Variants in ARFGEF3 observed in about 807,000 individuals in gnomAD.
ARFGEF3 encodes ARFGEF family member 3.
In ARFGEF3, 96 loss-of-function variants were observed where a neutral mutation model predicts 221.7. That is an observed-to-expected ratio of 0.43 (90% CI 0.37 to 0.51). The LOEUF is 0.51. Ranked by LOEUF, ARFGEF3 falls within the 20% of genes least tolerant of loss-of-function variation. ARFGEF3 has a pLI of 0.00. For missense variants in ARFGEF3, 2,410 were observed against 2,789.9 expected, an observed-to-expected ratio of 0.86 and a Z score of 3.07; for synonymous variants, 1,145 against 1,126.8, an observed-to-expected ratio of 1.02 and a Z score of -0.32.
chr6:138,248,189 T>C (rs79264602), intron 8 of ARFGEF3, among the ~76,000 whole-genome samples: 2,250 of 152,290 alleles, frequency 0.015, 60 homozygotes, highest in African/African-American at 0.051. Flanking sequence ...TTTGTGGTCA[T>C]ATAGAGCCCT....
chr6:138,323,848 C>A, intron 30 of ARFGEF3, 75 bp downstream of exon 30: 1 of 1,537,898 alleles, frequency 6.5e-7, no homozygotes. Context: ...CCATGTTGGG[C>A]ACATGGGTTC....
intron 2 of ARFGEF3, among the ~76,000 whole-genome samples, chr6:138,185,535 G>A (rs535293733): frequency 1.3e-5 from 2 of 152,276 alleles, no homozygotes; most frequent in East Asian, 3.9e-4. Flanking sequence ...TTTTCTTCAT[G>A]TCTGGCTGTC....
chr6:138,218,176 C>G, intron 4 of ARFGEF3: 2 of 1,613,906 alleles, frequency 1.2e-6, no homozygotes, highest in Non-Finnish European at 1.7e-6. Context: ...TGTGACTGTT[C>G]TATGGAATAA....
chr6:138,182,726 A>G (rs1236780834), intron 2 of ARFGEF3, among the ~76,000 whole-genome samples: 1 of 152,192 alleles, frequency 6.6e-6, no homozygotes, highest in Non-Finnish European at 1.5e-5. Context: ...TTACCTCTCC[A>G]CCTTCTGCTA....
chr6:138,319,206 T>A (rs1008358271), intron 27 of ARFGEF3, among the ~76,000 whole-genome samples: 4 of 149,970 alleles, frequency 2.7e-5, no homozygotes, highest in African/African-American at 9.9e-5. Context: ...TCCTCACGCC[T>A]CAGCCTGCAG....
chr6:138,239,564 G>A (rs781033277), intron 6 of ARFGEF3, among the ~76,000 whole-genome samples: 21 of 150,794 alleles, frequency 1.4e-4, no homozygotes, highest in Non-Finnish European at 2.1e-4. Context: ...CAGGAGAATC[G>A]CTTGAACTCA....
At chr6:138,174,674 A>G (rs919183947) in intron 2 of ARFGEF3, among the ~76,000 whole-genome samples, 4 of 152,028 alleles carry the variant, frequency 2.6e-5, no homozygotes. Context: ...CTGTTACATA[A>G]TCACCTCCAG....
intron 12 of ARFGEF3, among the ~76,000 whole-genome samples, chr6:138,275,486 C>G (rs967004323): frequency 2.0e-5 from 3 of 152,108 alleles, no homozygotes; most frequent in African/African-American, 7.2e-5. Flanking sequence ...CATGGTGGCT[C>G]ACACCTGTAA....
rs1398791102 is a variant in ARFGEF3 at position 138,278,497 on chromosome 6, C to T, written c.2175C>T (p.Phe725=). 1.2e-6 allele frequency: 2 copies of T among 1,613,864 alleles called. No homozygotes were observed. Among genetic ancestry groups the T allele is most frequent in the Non-Finnish European group, 1.7e-6 (2 of 1,179,888 alleles). Residue 725 remains phenylalanine, a synonymous_variant, in exon 13 of 34, where the codon TTC becomes TTT. Coordinates refer to ENST00000251691, the MANE Select transcript of ARFGEF3 (RefSeq NM_020340.5). ...PGFDGNSSLS[F]QMLMNADSLY... Reference sequence around the variant, plus strand: ...TTGACGGGAATAGCAGCCTCAGCTTCCAGATGCTGATGAACGCAGACAGCC... The same window carrying T: ...TTGACGGGAATAGCAGCCTCAGCTTTCAGATGCTGATGAACGCAGACAGCC...
At chr6:138,273,568 T>C (rs1434311792) in intron 12 of ARFGEF3, among the ~76,000 whole-genome samples, 1 of 152,172 alleles carries the variant, frequency 6.6e-6, no homozygotes, top group Non-Finnish European at 1.5e-5. Context: ...GAGTATCTAC[T>C]AGAGAGGTAC....
intron 31 of ARFGEF3, among the ~76,000 whole-genome samples, chr6:138,327,371 C>G (rs932328190): frequency 3.9e-5 from 6 of 152,146 alleles, no homozygotes; most frequent in African/African-American, 1.4e-4. Flanking sequence ...ATCACTCGAG[C>G]CTGGGACGTT....
At chr6:138,335,523 C>T (rs1360239118) in intron 33 of ARFGEF3, among the ~76,000 whole-genome samples, 1 of 148,420 alleles carries the variant, frequency 6.7e-6, no homozygotes, top group Non-Finnish European at 1.5e-5. Context: ...CTGGACAACA[C>T]GGCAAAACCC....
At chr6:138,237,992 A>C (rs1321188001) in intron 5 of ARFGEF3, among the ~76,000 whole-genome samples, 2 of 152,212 alleles carry the variant, frequency 1.3e-5, no homozygotes, top group Non-Finnish European at 2.9e-5. Context: ...CATTTTTGCC[A>C]TAAGCCATGC....
At chr6:138,303,860 C>CAAA (rs140349507) in intron 22 of ARFGEF3, among the ~76,000 whole-genome samples, 848 of 20,604 alleles carry the variant, frequency 0.041, 65 homozygotes, top group East Asian at 0.11. Flanking sequence ...GACTCCGTCT[C>CAAA]AAAAAAAAAA....
At chr6:138,296,019 C>A (rs1009780386) in intron 20 of ARFGEF3, among the ~76,000 whole-genome samples, 4 of 152,118 alleles carry the variant, frequency 2.6e-5, no homozygotes, top group East Asian at 3.9e-4. Context: ...AGGGAGAGAG[C>A]GGGGAAGATG....
intron 28 of ARFGEF3, among the ~76,000 whole-genome samples, chr6:138,320,387 G>T (rs1287320210): frequency 6.6e-6 from 1 of 152,166 alleles, no homozygotes; most frequent in East Asian, 1.9e-4. Context: ...CTTTGTAAAG[G>T]CTGTGAAAGT....
chr6:138,310,790 A>T (rs1481452484), intron 24 of ARFGEF3, among the ~76,000 whole-genome samples: 7 of 152,262 alleles, frequency 4.6e-5, no homozygotes, highest in African/African-American at 1.7e-4. Flanking sequence ...CAGACATGTT[A>T]AATCTCTAGA....
intron 22 of ARFGEF3, among the ~76,000 whole-genome samples, chr6:138,306,886 CTT>C (rs1306208869): frequency 7.1e-6 from 1 of 141,040 alleles, no homozygotes; most frequent in Admixed American, 7.2e-5. Flanking sequence ...AAAAGTAAAA[CTT>C]TTAAAAAGTC....
At chr6:138,206,981 A>T (rs1777635357) in intron 2 of ARFGEF3, 61 bp from the exon 3 acceptor site, 5 of 1,363,638 alleles carry the variant, frequency 3.7e-6, no homozygotes, top group Non-Finnish European at 5.1e-6. Context: ...CATAAGGCTT[A>T]CATCACTTGA....
Sources: allele counts gnomAD v4.1 joint callset (sites outside exome capture counted in the v4.1 genomes callset), GRCh38; gene constraint gnomAD v4.1.1; transcripts MANE v1.5; gene names NCBI Gene and HGNC (gene_info 2026-07-23, HGNC 2026-07-21).